Variants in DHRS3 observed in about 807,000 individuals in gnomAD.
DHRS3 encodes the protein short-chain dehydrogenase/reductase 3.
A neutral mutation model predicts 27.2 loss-of-function variants in DHRS3; 14 were observed. The observed-to-expected ratio is 0.52, with a 90% CI of 0.34 to 0.81. The LOEUF (loss-of-function observed/expected upper bound fraction) is 0.81. Among genes scored for constraint, DHRS3 ranks in the 30% least tolerant of loss-of-function variants. DHRS3 has a pLI of 0.01. For synonymous variants in DHRS3, 165 were observed against 175.9 expected (o/e 0.94, Z 0.49); for missense variants, 322 against 406.2 (o/e 0.79, Z 1.78).
rs1172976315 is a variant in DHRS3, at chr1:12,608,768, G to A, written c.195+8386C>T. Among the ~76,000 whole-genome samples the A allele has an allele frequency of 1.3e-5, 2 of 152,126 alleles. No individual in the cohort carries two copies. Among genetic ancestry groups the A allele is most frequent in the Non-Finnish European group, 2.9e-5 (2 of 68,022 alleles). ...TTGCAGGGCCCAGGTCTGCATTTTC[G>A]AGCCCTCCCCACGGGCCTAGCATGG... On this transcript the variant is annotated intron_variant, in intron 1 of 5. Coordinates refer to ENST00000616661, the MANE Select transcript of DHRS3 (RefSeq NM_004753.7). The surrounding 1 kb of genome is among the most constrained non-coding windows in gnomAD (Gnocchi z 4.1).
intron 1 of DHRS3, among the ~76,000 whole-genome samples, chr1:12,614,955 C>T (rs1646934812): frequency 6.6e-6 from 1 of 152,122 alleles, no homozygotes; most frequent in Admixed American, 6.5e-5. Context: ...GGGCCACCCC[C>T]AAGCCCACTG....
chr1:12,579,815 C>T (rs960697454), intron 2 of DHRS3: 3 of 182,712 alleles, frequency 1.6e-5, no homozygotes, highest in Admixed American at 5.4e-5. Flanking sequence ...CCTAAGTGAA[C>T]GAGTAATTTC....
At chr1:12,598,653 G>A (rs963976738) in intron 1 of DHRS3, among the ~76,000 whole-genome samples, 1 of 152,138 alleles carries the variant, frequency 6.6e-6, no homozygotes, top group African/African-American at 2.4e-5. Context: ...GGCATCACTA[G>A]GTATATGGCC....
chr1:12,592,312 T>C lies in DHRS3; in HGVS notation c.196-11646A>G, dbSNP rs1173465811. ...CTTGGTACCTGTGAATGTGACCTTA[T>C]GCTGAAAGAGGGTCTTTGGAATTGA... On this transcript the variant is annotated intron_variant, in intron 1 of 5. Transcript: ENST00000616661. The surrounding 1 kb of genome is among the most constrained non-coding windows in gnomAD (Gnocchi z 4.2). Among the ~76,000 whole-genome samples, 1 of 152,194 alleles carries C rather than the reference T, an allele frequency of 6.6e-6. No individual in the cohort carries two copies. Among genetic ancestry groups the C allele is most frequent in the Non-Finnish European group, 1.5e-5 (1 of 68,024 alleles).
At chr1:12,590,406 G>A (rs1313657351) in intron 1 of DHRS3, among the ~76,000 whole-genome samples, 1 of 152,170 alleles carries the variant, frequency 6.6e-6, no homozygotes, top group Non-Finnish European at 1.5e-5. Context: ...CACCTCCTGG[G>A]TTCCAGCAAT....
intron 1 of DHRS3, among the ~76,000 whole-genome samples, chr1:12,581,305 C>T (rs1646641729): frequency 6.6e-6 from 1 of 152,216 alleles, no homozygotes; most frequent in African/African-American, 2.4e-5. Context: ...CAGCAGAGCT[C>T]TTTATGCACA....
chr1:12,575,147 C>A (rs1646573914), intron 4 of DHRS3, among the ~76,000 whole-genome samples: 1 of 151,788 alleles, frequency 6.6e-6, no homozygotes, highest in Non-Finnish European at 1.5e-5. Flanking sequence ...GGCAACACGG[C>A]GAAACACTGT....
chr1:12,579,430 C>T lies in DHRS3; in HGVS notation c.340-18G>A. Reference sequence around the variant, plus strand: ...TCACCCACCTGCAGGCGAGAGGGAGCCACGGGGCCATGAGGGCAGCCAGCC... The same window carrying T: ...TCACCCACCTGCAGGCGAGAGGGAGTCACGGGGCCATGAGGGCAGCCAGCC... On this transcript the variant is annotated intron_variant, in intron 2 of 5. Transcript: ENST00000616661. 2 of 1,612,442 alleles carry T rather than the reference C, an allele frequency of 1.2e-6. No individual in the cohort carries two copies. The highest frequency in any genetic ancestry group is 2.7e-5 in the African/African-American group (2 of 75,048).
chr1:12,590,873 C>G (rs1279838955), intron 1 of DHRS3, among the ~76,000 whole-genome samples: 1 of 152,196 alleles, frequency 6.6e-6, no homozygotes, highest in African/African-American at 2.4e-5. Flanking sequence ...CCACAATGAT[C>G]AGGTACCGAC....
At chr1:12,609,795 T>C (rs866971460) in intron 1 of DHRS3, among the ~76,000 whole-genome samples, 6 of 152,108 alleles carry the variant, frequency 3.9e-5, no homozygotes, top group South Asian at 2.1e-4. Flanking sequence ...CCTGTCTCCC[T>C]CAGTTCTTCC....
intron 1 of DHRS3, among the ~76,000 whole-genome samples, chr1:12,582,246 A>C (rs1646650834): frequency 6.6e-6 from 1 of 152,222 alleles, no homozygotes; most frequent in African/African-American, 2.4e-5. Context: ...TTAAGCAGAG[A>C]GGGCACAAAA....
intron 1 of DHRS3, among the ~76,000 whole-genome samples, chr1:12,601,475 A>G (rs1469003184): frequency 2.0e-5 from 3 of 152,080 alleles, no homozygotes; most frequent in Non-Finnish European, 4.4e-5. Context: ...AAGTGAGGGG[A>G]GAGAGAAACT....
At chr1:12,576,254 G>A (rs1646585793) in intron 4 of DHRS3, among the ~76,000 whole-genome samples, 1 of 152,046 alleles carries the variant, frequency 6.6e-6, no homozygotes, top group Admixed American at 6.6e-5. Context: ...CTGTGCTCAG[G>A]ACACCCAATT....
At chr1:12,569,977 A>G (rs1284224885) in intron 5 of DHRS3, 1 of 152,224 alleles carries the variant, frequency 6.6e-6, no homozygotes, top group Non-Finnish European at 1.5e-5. Flanking sequence ...TTAAAAACAA[A>G]TGATGGTTAG....
rs1028588071 is a variant in DHRS3 at position 12,586,106 on chromosome 1, G to A, written c.196-5440C>T. 6.6e-6 allele frequency among the ~76,000 whole-genome samples: 1 copy of A among 152,320 alleles called. No homozygotes were observed. Among genetic ancestry groups the A allele is most frequent in the South Asian group, 2.1e-4 (1 of 4,832 alleles). Reference sequence around the variant, plus strand: ...AGGCAGGAAGGGGAGAAAGACCTCTGGTCTCCGGGGCCCCGGGCTGTCCTG... The same window carrying A: ...AGGCAGGAAGGGGAGAAAGACCTCTAGTCTCCGGGGCCCCGGGCTGTCCTG... On this transcript the variant is annotated intron_variant, in intron 1 of 5. Coordinates refer to ENST00000616661, the MANE Select transcript of DHRS3 (RefSeq NM_004753.7). The surrounding 1 kb of genome is among the most constrained non-coding windows in gnomAD (Gnocchi z 5.0).
chr1:12,588,249 A>G (rs1646714645), intron 1 of DHRS3, among the ~76,000 whole-genome samples: 1 of 152,102 alleles, frequency 6.6e-6, no homozygotes, highest in Non-Finnish European at 1.5e-5. Context: ...CCCCACAACA[A>G]CAACAGCACC....
At chr1:12,609,658 C>T (rs1045677013) in intron 1 of DHRS3, among the ~76,000 whole-genome samples, 1 of 152,170 alleles carries the variant, frequency 6.6e-6, no homozygotes, top group Non-Finnish European at 1.5e-5. Flanking sequence ...CTAGCAGGTC[C>T]CCCACCCCTG....
chr1:12,570,681 C>T (rs1646528249), intron 5 of DHRS3, among the ~76,000 whole-genome samples: 1 of 152,200 alleles, frequency 6.6e-6, no homozygotes, highest in Non-Finnish European at 1.5e-5. Flanking sequence ...CTAGAAAGCT[C>T]TGGAAGTCTT....
At chr1:12,568,445 G>C (rs762054138) in intron 5 of DHRS3, 21 bp from the exon 6 acceptor site, 2 of 1,610,786 alleles carry the variant, frequency 1.2e-6, no homozygotes. Context: ...AGGAAGAAAA[G>C]AAGATAGCGA....
Sources: gnomAD v4.1 joint callset for allele counts (sites outside exome capture counted in the v4.1 genomes callset) on GRCh38, gnomAD v4.1.1 for gene constraint, Gnocchi (gnomAD v3.1) non-coding constraint, MANE v1.5 for transcripts, NCBI Gene and HGNC (gene_info 2026-07-23, HGNC 2026-07-21) for gene names.